SPAG16: variants seen among roughly 807,000 people sequenced by gnomAD.
The protein encoded by SPAG16 is sperm associated antigen 16.
Under a neutral mutation model 80.4 loss-of-function variants are expected in SPAG16, and 86 were observed. The ratio of observed to expected loss-of-function variants is 1.07; its 90% confidence interval spans 0.90 to 1.28. SPAG16 has a LOEUF of 1.28. SPAG16 is among the 50% of genes most tolerant of loss of function. The probability of loss-of-function intolerance (pLI) is 0.00; values close to 1 mark genes in which losing one functional copy is unlikely to be tolerated. For synonymous variants in SPAG16, 294 were observed against 265.9 expected (o/e 1.11, Z -1.03); for missense variants, 870 against 765.3 (o/e 1.14, Z -1.61).
intron 15 of SPAG16, among the ~76,000 whole-genome samples, chr2:214,315,027 C>T (rs1695582583): frequency 6.6e-6 from 1 of 151,644 alleles, no homozygotes; most frequent in African/African-American, 2.4e-5. Flanking sequence ...CGGATGAATG[C>T]TTCTGAGCCC....
At chr2:214,206,250 C>T (rs1282955961) in intron 15 of SPAG16, among the ~76,000 whole-genome samples, 2 of 152,078 alleles carry the variant, frequency 1.3e-5, no homozygotes, top group African/African-American at 4.8e-5. Flanking sequence ...TTTTTGTACC[C>T]ATTAACCAAC....
intron 9 of SPAG16, among the ~76,000 whole-genome samples, chr2:213,483,466 T>C (rs2073844229): frequency 6.6e-6 from 1 of 152,216 alleles, no homozygotes; most frequent in South Asian, 2.1e-4. Context: ...CCTGTTATAT[T>C]AATGCTTACA....
rs962274856 is a variant in SPAG16 at position 213,687,206 on chromosome 2, C to T, written c.1071-175279C>T. Among the ~76,000 whole-genome samples, 13 of 152,160 alleles carry T rather than the reference C, an allele frequency of 8.5e-5. 1 individual carries two copies. The highest frequency in any genetic ancestry group is 7.9e-4 in the Admixed American group (12 of 15,280). On this transcript the variant is annotated intron_variant, in intron 10 of 15. Transcript: ENST00000331683. ...AACTTGTAAGAAAATATTACTACTT[C>T]CAATTTCTTCTCCTGGCCTTTCTGT...
rs1181178093 is a variant in SPAG16, at chr2:214,025,597, G to A, written c.1527+11520G>A. 2.0e-5 allele frequency among the ~76,000 whole-genome samples: 3 copies of A among 151,750 alleles called. No individual in the cohort carries two copies. The South Asian group carries it at 6.2e-4, about 31-fold the overall frequency. On this transcript the variant is annotated intron_variant, in intron 13 of 15. Coordinates refer to ENST00000331683, the MANE Select transcript of SPAG16 (RefSeq NM_024532.5). ...AAATTAAATGCAACATTTGTGGCAA[G>A]TGTTTCCGGCATTCTGCTGTGGTTG...
chr2:214,314,150 C>T (rs1297632609), intron 15 of SPAG16, among the ~76,000 whole-genome samples: 1 of 152,056 alleles, frequency 6.6e-6, no homozygotes, highest in African/African-American at 2.4e-5. Context: ...TGGTCAGTTG[C>T]TTCTGGAAAT....
chr2:214,245,165 C>T (rs527934841), intron 15 of SPAG16, among the ~76,000 whole-genome samples: 10 of 152,236 alleles, frequency 6.6e-5, no homozygotes, highest in Non-Finnish European at 1.0e-4. Flanking sequence ...AATTACTGCA[C>T]AAGAATATTA....
At chr2:213,548,620 A>G (rs912346017) in intron 10 of SPAG16, among the ~76,000 whole-genome samples, 8 of 152,170 alleles carry the variant, frequency 5.3e-5, no homozygotes. Flanking sequence ...GAGATTGAGA[A>G]TGATTTTAAA....
chr2:213,529,283 G>A (rs1345939585), intron 10 of SPAG16, among the ~76,000 whole-genome samples: 1 of 152,060 alleles, frequency 6.6e-6, no homozygotes, highest in African/African-American at 2.4e-5. Context: ...ATAAATTGTG[G>A]TCTGCTGGTC....
intron 12 of SPAG16, among the ~76,000 whole-genome samples, chr2:214,010,844 A>G (rs994462029): frequency 2.7e-5 from 4 of 146,730 alleles, no homozygotes; most frequent in Non-Finnish European, 4.5e-5. Context: ...AAATTTAACA[A>G]TAAGATTTTT....
intron 10 of SPAG16, among the ~76,000 whole-genome samples, chr2:213,828,551 A>G (rs2073434706): frequency 6.6e-6 from 1 of 152,058 alleles, no homozygotes; most frequent in South Asian, 2.1e-4. Flanking sequence ...TGGTGAGGTT[A>G]TGTTTTTCTG....
intron 15 of SPAG16, among the ~76,000 whole-genome samples, chr2:214,356,362 G>A (rs753151682): frequency 1.5e-4 from 23 of 151,898 alleles, no homozygotes; most frequent in Non-Finnish European, 3.1e-4. Context: ...TTGCATGCAA[G>A]TGATCCCAAT....
intron 15 of SPAG16, among the ~76,000 whole-genome samples, chr2:214,198,805 G>A (rs187991703): frequency 1.3e-4 from 20 of 152,126 alleles, no homozygotes; most frequent in African/African-American, 4.8e-4. Flanking sequence ...TCTTGCAGGA[G>A]TAATGTGGTG....
intron 15 of SPAG16, among the ~76,000 whole-genome samples, chr2:214,306,564 TA>T (rs1192326522): frequency 6.6e-6 from 1 of 152,232 alleles, no homozygotes; most frequent in Admixed American, 6.5e-5. Flanking sequence ...ATACCTCGTT[TA>T]TTGGAGAGTT....
intron 14 of SPAG16, among the ~76,000 whole-genome samples, chr2:214,119,465 A>C (rs897149886): frequency 2.0e-5 from 3 of 152,124 alleles, no homozygotes; most frequent in African/African-American, 7.2e-5. Context: ...AAAAAATAAA[A>C]ACAAAAACTG....
At chr2:213,744,907 T>C (rs1436863924) in intron 10 of SPAG16, among the ~76,000 whole-genome samples, 1 of 152,230 alleles carries the variant, frequency 6.6e-6, no homozygotes, top group African/African-American at 2.4e-5. Flanking sequence ...CATTCATAGA[T>C]TTTCAAACAA....
At chr2:214,304,322 TG>T (rs1438842489) in intron 15 of SPAG16, among the ~76,000 whole-genome samples, 1 of 152,198 alleles carries the variant, frequency 6.6e-6, no homozygotes, top group Admixed American at 6.5e-5. Flanking sequence ...TGGAAGGTTG[TG>T]GGTTTACCGG....
chr2:214,227,051 AAGTCT>A (rs1385275147), intron 15 of SPAG16, among the ~76,000 whole-genome samples: 2 of 152,110 alleles, frequency 1.3e-5, no homozygotes, highest in Non-Finnish European at 2.9e-5. Context: ...AAATGTAACC[AAGTCT>A]AGTGTAGTGT....
rs116538231 is a variant in SPAG16, at chr2:213,574,009, G to T, written c.1070+83919G>T. Among the ~76,000 whole-genome samples the T allele has an allele frequency of 2.0e-3, 304 of 152,210 alleles. 3 individuals are homozygous for T. The highest frequency in any genetic ancestry group is 3.5e-3 in the Non-Finnish European group (235 of 68,010). On this transcript the variant is annotated intron_variant, in intron 10 of 15. Coordinates refer to ENST00000331683, the MANE Select transcript of SPAG16 (RefSeq NM_024532.5). Reference sequence around the variant, plus strand: ...TATATTAATACATTTCTAATAAGTTGTCAGGTGATGCCTAAGCTGCTAGTA... The same window carrying T: ...TATATTAATACATTTCTAATAAGTTTTCAGGTGATGCCTAAGCTGCTAGTA...
chr2:214,302,360 G>A (rs1002558246), intron 15 of SPAG16, among the ~76,000 whole-genome samples: 11 of 152,292 alleles, frequency 7.2e-5, no homozygotes, highest in African/African-American at 1.9e-4. Context: ...TGATAATGCC[G>A]TCATGTAATG....
Sources: allele counts gnomAD v4.1 joint callset (sites outside exome capture counted in the v4.1 genomes callset), GRCh38; gene constraint gnomAD v4.1.1; transcripts MANE v1.5; gene names NCBI Gene and HGNC (gene_info 2026-07-23, HGNC 2026-07-21).